The following SPART variants were observed in gnomAD, a reference collection of about 807,000 sequenced individuals.
The protein encoded by SPART is spastic paraplegia 20 (Troyer syndrome).
A neutral mutation model predicts 58.7 loss-of-function variants in SPART; 35 were observed. The observed-to-expected ratio is 0.60, with a 90% CI of 0.46 to 0.79. SPART has a LOEUF of 0.79. SPART is among the 30% of genes least tolerant of loss of function. The probability of loss-of-function intolerance (pLI) is 0.00; values close to 1 mark genes in which losing one functional copy is unlikely to be tolerated. For synonymous variants in SPART, 284 were observed against 280.7 expected, an observed-to-expected ratio of 1.01 and a Z score of -0.12; for missense variants, 730 against 786.1, an observed-to-expected ratio of 0.93 and a Z score of 0.85.
At chr13:36,352,179 A>G (rs554940552) in intron 1 of SPART, among the ~76,000 whole-genome samples, 1 of 152,202 alleles carries the variant, frequency 6.6e-6, no homozygotes, top group African/African-American at 2.4e-5. Flanking sequence ...TGAACTCTAC[A>G]TTATATGAAA....
chr13:36,358,522 T>A (rs548428935), intron 1 of SPART, among the ~76,000 whole-genome samples: 2 of 152,322 alleles, frequency 1.3e-5, no homozygotes, highest in Admixed American at 1.3e-4. Flanking sequence ...TATTGGCCAT[T>A]TTTAAAACTC....
In SPART at chr13:36,304,588, G is replaced by A. The variant is rs777513982; in HGVS notation, c.1778C>T (p.Ser593Phe). The change falls in exon 9 of 9, where the codon TCT becomes TTT. Residue 593 changes from serine (S) to phenylalanine (F), a missense_variant. Physicochemically the swap from Ser to Phe is radical, Grantham distance 155. Coordinates refer to ENST00000438666, the MANE Select transcript of SPART (RefSeq NM_015087.5). Reference protein sequence around the residue: ...AGEATHHAVDSAVNVGVTAYN... With the variant: ...AGEATHHAVDFAVNVGVTAYN... The stretch of plus-strand genomic sequence containing the variant: ...GGCAGTTACGCCAACATTGACCGCA[G>A]AATCCACCGCATGGTGGGTAGCTTC... 1.9e-6 allele frequency: 3 copies of A among 1,614,072 alleles called. No individual in the cohort carries two copies. The highest frequency in any genetic ancestry group is 1.7e-6 in the Non-Finnish European group (2 of 1,179,986).
intron 1 of SPART, among the ~76,000 whole-genome samples, chr13:36,339,511 A>G (rs1465643225): frequency 6.6e-6 from 1 of 150,962 alleles, no homozygotes; most frequent in African/African-American, 2.4e-5. Context: ...ATGCACCTGT[A>G]CCCCAGCTAC....
intron 1 of SPART, chr13:36,368,099 AG>A: frequency 2.6e-6 from 1 of 388,844 alleles, no homozygotes; most frequent in South Asian, 2.0e-5. Context: ...TAAAACTTTA[AG>A]GCTTATCACT....
chr13:36,354,751 T>C (rs1008392718), intron 1 of SPART, among the ~76,000 whole-genome samples: 2 of 152,228 alleles, frequency 1.3e-5, no homozygotes, highest in Non-Finnish European at 2.9e-5. Context: ...TGAGTCCTCC[T>C]AGTGAACTGT....
At chr13:36,316,697 C>T (rs921948565) in intron 5 of SPART, among the ~76,000 whole-genome samples, 2 of 152,218 alleles carry the variant, frequency 1.3e-5, no homozygotes, top group East Asian at 1.9e-4. Flanking sequence ...AGCCTGCCTG[C>T]ACCCAGGTGA....
chr13:36,351,589 C>T (rs1222995858), intron 1 of SPART, among the ~76,000 whole-genome samples: 6 of 151,980 alleles, frequency 3.9e-5, no homozygotes, highest in African/African-American at 1.2e-4. Flanking sequence ...ATTTTAATAA[C>T]GTAAATGTTC....
intron 1 of SPART, among the ~76,000 whole-genome samples, chr13:36,360,367 C>A (rs1885806688): frequency 6.6e-6 from 1 of 151,912 alleles, no homozygotes. Flanking sequence ...TAGAGCTACC[C>A]TAGTAAGTTC....
At chr13:36,344,734 A>G (rs1424917862) in intron 1 of SPART, among the ~76,000 whole-genome samples, 1 of 152,192 alleles carries the variant, frequency 6.6e-6, no homozygotes, top group Admixed American at 6.5e-5. Context: ...TGTCCTGAAA[A>G]GATAAAAACC....
intron 8 of SPART, among the ~76,000 whole-genome samples, chr13:36,308,918 C>G (rs1880789412): frequency 6.6e-6 from 1 of 152,114 alleles, no homozygotes; most frequent in Non-Finnish European, 1.5e-5. Context: ...AATTTGAGAT[C>G]TATTGTATGT....
intron 1 of SPART, among the ~76,000 whole-genome samples, chr13:36,342,595 T>C (rs1306534489): frequency 6.6e-6 from 1 of 152,128 alleles, no homozygotes; most frequent in Non-Finnish European, 1.5e-5. Context: ...GTCCACTGGA[T>C]GCCCATAGCA....
chr13:36,325,102 T>C (rs565063435), intron 5 of SPART, among the ~76,000 whole-genome samples: 7 of 152,330 alleles, frequency 4.6e-5, no homozygotes, highest in Admixed American at 3.9e-4. Context: ...GCGGATGTGA[T>C]GGCTTGGCTT....
At chr13:36,318,988 T>C (rs994796700) in intron 5 of SPART, among the ~76,000 whole-genome samples, 1 of 152,110 alleles carries the variant, frequency 6.6e-6, no homozygotes, top group African/African-American at 2.4e-5. Context: ...ACTCTAACAG[T>C]GGAAGGTAAG....
chr13:36,314,915 CT>C (rs1404351174), intron 5 of SPART, among the ~76,000 whole-genome samples: 3 of 152,214 alleles, frequency 2.0e-5, no homozygotes, highest in Non-Finnish European at 4.4e-5. Context: ...AGGCAGAACT[CT>C]TACTTTCTTT....
chr13:36,344,993 C>G (rs1884935787), intron 1 of SPART, among the ~76,000 whole-genome samples: 1 of 152,152 alleles, frequency 6.6e-6, no homozygotes, highest in South Asian at 2.1e-4. Flanking sequence ...AGGTAAAATT[C>G]TGCATTAAAA....
chr13:36,336,094 C>T (rs1883982024), intron 1 of SPART, among the ~76,000 whole-genome samples: 2 of 152,174 alleles, frequency 1.3e-5, no homozygotes, highest in Non-Finnish European at 2.9e-5. Flanking sequence ...CAGAATACAT[C>T]TATTAAATAA....
intron 1 of SPART, among the ~76,000 whole-genome samples, chr13:36,355,309 C>T (rs1257027478): frequency 6.6e-6 from 1 of 152,146 alleles, no homozygotes; most frequent in Non-Finnish European, 1.5e-5. Flanking sequence ...TACAGGCATG[C>T]ACCACCATGC....
At chr13:36,319,462 T>C (rs1289172223) in intron 5 of SPART, among the ~76,000 whole-genome samples, 1 of 151,834 alleles carries the variant, frequency 6.6e-6, no homozygotes, top group Non-Finnish European at 1.5e-5. Flanking sequence ...TTTAAAAAGA[T>C]TAAAGCCTGT....
chr13:36,311,004 G>C lies in SPART; in HGVS notation c.1733+1141C>G, dbSNP rs115279694. On this transcript the variant is annotated intron_variant, in intron 8 of 8. Coordinates refer to ENST00000438666, the MANE Select transcript of SPART (RefSeq NM_015087.5). ...TGTGTTTGGTTGTGCTGCCTTCTCT[G>C]TGTGTCACCTGACCAACACACCCAA... Among the ~76,000 whole-genome samples, 724 of 152,206 alleles carry C rather than the reference G, an allele frequency of 4.8e-3. 7 individuals carry two copies. Among genetic ancestry groups the C allele is most frequent in the African/African-American group, 0.016 (677 of 41,532 alleles).
Sources: allele counts gnomAD v4.1 joint callset (sites outside exome capture counted in the v4.1 genomes callset), GRCh38; gene constraint gnomAD v4.1.1; transcripts MANE v1.5; gene names NCBI Gene and HGNC (gene_info 2026-07-23, HGNC 2026-07-21).